Variants in GSE1 observed in about 807,000 individuals in gnomAD.
GSE1 encodes genetic suppressor element 1.
A neutral mutation model predicts 112.6 loss-of-function variants in GSE1; 32 were observed. The observed-to-expected ratio is 0.28, with a 90% CI of 0.21 to 0.38. The LOEUF (loss-of-function observed/expected upper bound fraction) is 0.38, where lower values mean the gene tolerates loss of function less well. GSE1 is among the 10% of genes least tolerant of loss of function. GSE1 has a pLI of 1.00. For synonymous variants in GSE1, 1,115 were observed against 735.6 expected, an observed-to-expected ratio of 1.52 and a Z score of -8.35; for missense variants, 2,348 against 1,699.2, an observed-to-expected ratio of 1.38 and a Z score of -6.71.
At chr16:85,572,314 CACA>C (rs1445611468) in intron 1 of GSE1, among the ~76,000 whole-genome samples, 8 of 143,200 alleles carry the variant, frequency 5.6e-5, no homozygotes. Context: ...CCACATACCA[CACA>C]ACACACCACA....
chr16:85,594,160 C>CGGTTGT (rs2047116085), intron 1 of GSE1: 1 of 143,186 alleles, frequency 7.0e-6, no homozygotes, highest in South Asian at 2.3e-4. Context: ...GCCTGCCTGC[C>CGGTTGT]GGTTGTCGGT....
At chr16:85,393,996 C>A (rs2047908814) in intron 2 of GSE1, among the ~76,000 whole-genome samples, 1 of 151,948 alleles carries the variant, frequency 6.6e-6, no homozygotes, top group African/African-American at 2.4e-5. Flanking sequence ...CCCCTCTTCT[C>A]GGGGGCCCAC....
intron 1 of GSE1, among the ~76,000 whole-genome samples, chr16:85,297,762 T>C (rs1464227786): frequency 1.3e-5 from 2 of 152,210 alleles, no homozygotes; most frequent in Non-Finnish European, 2.9e-5. Context: ...CCTCCCACCT[T>C]GGCCTCCCAA....
At chr16:85,527,415 A>T (rs2052398610) in intron 2 of GSE1, among the ~76,000 whole-genome samples, 1 of 152,262 alleles carries the variant, frequency 6.6e-6, no homozygotes, top group East Asian at 1.9e-4. Context: ...GGCTGGGATG[A>T]ACCGGGATTA....
chr16:85,458,495 C>A (rs1177361482), intron 2 of GSE1, among the ~76,000 whole-genome samples: 2 of 152,218 alleles, frequency 1.3e-5, no homozygotes, highest in African/African-American at 4.8e-5. Context: ...GATGGAGGCC[C>A]TGTCCCAGGT....
At chr16:85,501,636 C>T (rs1235855325) in intron 2 of GSE1, among the ~76,000 whole-genome samples, 1 of 152,116 alleles carries the variant, frequency 6.6e-6, no homozygotes, top group Non-Finnish European at 1.5e-5. Flanking sequence ...CTCGGCAACC[C>T]TCCCACCTCG....
At chr16:85,244,923 A>G (rs1043055385) in intron 1 of GSE1, among the ~76,000 whole-genome samples, 2 of 150,960 alleles carry the variant, frequency 1.3e-5, no homozygotes, top group Non-Finnish European at 2.9e-5. Context: ...CCCGGGAGGC[A>G]GAGGTTGCAG....
At chr16:85,381,206 T>C (rs1226890709) in intron 2 of GSE1, among the ~76,000 whole-genome samples, 2 of 152,262 alleles carry the variant, frequency 1.3e-5, no homozygotes, top group African/African-American at 4.8e-5. Flanking sequence ...AATCGTACCG[T>C]TTGTAGCCTT....
chr16:85,197,393 G>A (rs761599302), intron 1 of GSE1, among the ~76,000 whole-genome samples: 9 of 152,102 alleles, frequency 5.9e-5, no homozygotes, highest in South Asian at 2.1e-4. Flanking sequence ...TCTCTTCCTC[G>A]GGGAATTTCT....
chr16:85,664,490 G>A (rs1327721006), intron 11 of GSE1: 1 of 152,362 alleles, frequency 6.6e-6, no homozygotes, highest in African/African-American at 2.4e-5. Context: ...TGAATTTTTG[G>A]AGGAAAAAAA....
At chr16:85,509,782 T>C (rs1598005868) in intron 2 of GSE1, among the ~76,000 whole-genome samples, 2 of 152,114 alleles carry the variant, frequency 1.3e-5, no homozygotes, top group African/African-American at 4.8e-5. Flanking sequence ...TGAGGGTAAA[T>C]GTGTGTGTGT....
intron 2 of GSE1, among the ~76,000 whole-genome samples, chr16:85,433,134 G>A (rs2151763885): frequency 6.6e-6 from 1 of 152,152 alleles, no homozygotes; most frequent in East Asian, 1.9e-4. Context: ...GTGCTCTCTT[G>A]TTCAACAGAG....
chr16:85,391,097 C>T (rs1050004632), intron 2 of GSE1, among the ~76,000 whole-genome samples: 4 of 152,190 alleles, frequency 2.6e-5, no homozygotes, highest in African/African-American at 9.7e-5. Flanking sequence ...GCCCCCCCAC[C>T]GCCCCAGCTG....
chr16:85,414,635 G>T (rs7403907), intron 2 of GSE1, among the ~76,000 whole-genome samples: 101,685 of 152,002 alleles, frequency 0.67, 34,493 homozygotes, highest in African/African-American at 0.73. Context: ...CTTTATTCTA[G>T]TTATTTATTT....
At chr16:85,417,198 G>C (rs2048722427) in intron 2 of GSE1, among the ~76,000 whole-genome samples, 1 of 152,192 alleles carries the variant, frequency 6.6e-6, no homozygotes, top group Admixed American at 6.5e-5. Context: ...GATAATTTTG[G>C]GTGGTGGGGG....
intron 2 of GSE1, among the ~76,000 whole-genome samples, chr16:85,390,672 C>G (rs2047817609): frequency 6.9e-6 from 1 of 145,468 alleles, no homozygotes; most frequent in South Asian, 2.3e-4. Flanking sequence ...TTCCCGTACC[C>G]CCGCCTTGTC....
chr16:85,254,444 A>G (rs899024742), intron 1 of GSE1, among the ~76,000 whole-genome samples: 2 of 152,160 alleles, frequency 1.3e-5, no homozygotes, highest in East Asian at 1.9e-4. Context: ...TACTCAGCAC[A>G]TATGCTGGTA....
At chr16:85,213,631 G>A (rs994920749) in intron 1 of GSE1, among the ~76,000 whole-genome samples, 2 of 152,258 alleles carry the variant, frequency 1.3e-5, no homozygotes, top group African/African-American at 4.8e-5. Flanking sequence ...CAGCCCGTGT[G>A]TGATAGTCAG....
At chr16:85,410,269 C>CT (rs1299356064) in intron 2 of GSE1, among the ~76,000 whole-genome samples, 1 of 50,386 alleles carries the variant, frequency 2.0e-5, no homozygotes, top group Admixed American at 2.3e-4. Context: ...TCAGGCCCCC[C>CT]GGATAATCCT....
Sources: allele counts gnomAD v4.1 joint callset (sites outside exome capture counted in the v4.1 genomes callset), GRCh38; gene constraint gnomAD v4.1.1; transcripts MANE v1.5; gene names NCBI Gene and HGNC (gene_info 2026-07-23, HGNC 2026-07-21).